CCDC102B: variants seen among roughly 807,000 people sequenced by gnomAD.
The protein encoded by CCDC102B is coiled-coil domain-containing protein 102B.
A neutral mutation model predicts 57.4 loss-of-function variants in CCDC102B; 75 were observed. The ratio of observed to expected loss-of-function variants is 1.31; its 90% CI spans 1.08 to 1.58. The LOEUF is 1.58. CCDC102B is among the 40% of genes most tolerant of loss of function. The pLI is 0.00. For synonymous variants in CCDC102B, 206 were observed against 201.9 expected (o/e 1.02, Z -0.17); for missense variants, 636 against 582.6 (o/e 1.09, Z -0.94).
upstream of CCDC102B, among the ~76,000 whole-genome samples, chr18:68,793,461 T>C (rs1345939812): frequency 6.6e-6 from 1 of 152,196 alleles, no homozygotes; most frequent in East Asian, 1.9e-4. Flanking sequence ...TAAAAACCAA[T>C]GTTAGAAGAA....
At chr18:68,932,168 T>C (rs946986901) in intron 6 of CCDC102B, among the ~76,000 whole-genome samples, 1 of 151,880 alleles carries the variant, frequency 6.6e-6, no homozygotes, top group Non-Finnish European at 1.5e-5. Context: ...AATTATTTCT[T>C]TTTAAGTCCT....
chr18:69,039,783 G>A (rs1466523777), intron 7 of CCDC102B, among the ~76,000 whole-genome samples: 1 of 151,804 alleles, frequency 6.6e-6, no homozygotes, highest in East Asian at 1.9e-4. Context: ...ATTGTTAGCA[G>A]TAGAAACAAA....
chr18:69,028,367 G>T (rs8091493), intron 7 of CCDC102B, among the ~76,000 whole-genome samples: 8,023 of 152,272 alleles, frequency 0.053, 726 homozygotes, highest in African/African-American at 0.18. Context: ...TCTGAATGTG[G>T]AGGTAGTTGG....
At chr18:68,758,981 G>C (rs2034155539) in intron 2 of CCDC102B, among the ~76,000 whole-genome samples, 1 of 139,782 alleles carries the variant, frequency 7.2e-6, no homozygotes, top group Non-Finnish European at 1.6e-5. Context: ...TTTCAAATAA[G>C]AAATAACAAC....
At chr18:68,743,147 A>T (rs2033464778) in intron 2 of CCDC102B, among the ~76,000 whole-genome samples, 1 of 151,850 alleles carries the variant, frequency 6.6e-6, no homozygotes, top group South Asian at 2.1e-4. Flanking sequence ...GGGTGGATCA[A>T]CTGAGGTCAG....
intron 1 of CCDC102B, among the ~76,000 whole-genome samples, chr18:68,830,349 C>T (rs1201824738): frequency 6.6e-6 from 1 of 151,820 alleles, no homozygotes; most frequent in Non-Finnish European, 1.5e-5. Context: ...CATTCTTATA[C>T]AAAAATAAGA....
At chr18:68,972,228 C>T (rs774051921) in intron 6 of CCDC102B, among the ~76,000 whole-genome samples, 2 of 152,088 alleles carry the variant, frequency 1.3e-5, no homozygotes, top group South Asian at 2.1e-4. Flanking sequence ...TAGGTTTCTT[C>T]GACCATGAAA....
chr18:68,777,710 G>T (rs865914487), intron 2 of CCDC102B, among the ~76,000 whole-genome samples: 1 of 151,960 alleles, frequency 6.6e-6, no homozygotes, highest in Middle Eastern at 3.4e-3. Context: ...ACTATGTCAT[G>T]TGCCTCAAAT....
intron 4 of CCDC102B, among the ~76,000 whole-genome samples, chr18:68,854,091 GTTT>G (rs10604645): frequency 6.7e-6 from 1 of 148,940 alleles, no homozygotes; most frequent in African/African-American, 2.5e-5. Flanking sequence ...ACTTTTTCTT[GTTT>G]TTTTTTTTTT....
At chr18:68,940,341 A>G (rs4588079) in intron 6 of CCDC102B, among the ~76,000 whole-genome samples, 38,951 of 151,622 alleles carry the variant, frequency 0.26, 6,453 homozygotes, top group East Asian at 0.61. Context: ...ATTTATTGCA[A>G]GTAAAGCAGA....
exon 1 of CCDC102B, chr18:68,715,334 T>G: frequency 2.1e-6 from 2 of 962,334 alleles, no homozygotes; most frequent in Non-Finnish European, 1.3e-6. Flanking sequence ...GGAAGGTGAA[T>G]ACCGGTGAAA....
chr18:68,933,314 T>G (rs956950783), intron 6 of CCDC102B, among the ~76,000 whole-genome samples: 6 of 151,926 alleles, frequency 3.9e-5, no homozygotes, highest in African/African-American at 1.4e-4. Flanking sequence ...TTCTTTTTGC[T>G]ATTTTTTTCA....
intron 6 of CCDC102B, among the ~76,000 whole-genome samples, chr18:68,970,635 G>T (rs546628101): frequency 4.0e-5 from 6 of 151,848 alleles, no homozygotes; most frequent in African/African-American, 1.2e-4. Flanking sequence ...ATTGTTTAGA[G>T]AATTGGATAA....
At chr18:68,789,806 G>A (rs1256551592) in intron 2 of CCDC102B, among the ~76,000 whole-genome samples, 7 of 149,276 alleles carry the variant, frequency 4.7e-5, no homozygotes, top group Non-Finnish European at 8.9e-5. Context: ...TAATTTGATC[G>A]TCTGAAGCCT....
intron 7 of CCDC102B, among the ~76,000 whole-genome samples, chr18:69,032,856 G>T (rs559488419): frequency 6.6e-6 from 1 of 151,930 alleles, no homozygotes; most frequent in East Asian, 1.9e-4. Flanking sequence ...ACTCTCACTG[G>T]TCGTGAAGCT....
chr18:69,039,212 C>G (rs2052370270), intron 7 of CCDC102B, among the ~76,000 whole-genome samples: 1 of 151,890 alleles, frequency 6.6e-6, no homozygotes, highest in African/African-American at 2.4e-5. Context: ...CATAGGAAAA[C>G]AGCATGTATT....
At chr18:68,874,807 A>G in intron 5 of CCDC102B, 22 bp downstream of exon 5, 1 of 1,347,330 alleles carries the variant, frequency 7.4e-7, no homozygotes, top group Non-Finnish European at 1.1e-6. Context: ...GGTAAAGAGT[A>G]CCATATATAT....
chr18:68,803,061 G>A (rs1345500925), intron 1 of CCDC102B, among the ~76,000 whole-genome samples: 1 of 152,130 alleles, frequency 6.6e-6, no homozygotes, highest in East Asian at 1.9e-4. Flanking sequence ...GGTGTGATTG[G>A]GGTTAACCTC....
chr18:68,952,384 T>C (rs1383322503), intron 6 of CCDC102B, among the ~76,000 whole-genome samples: 2 of 152,170 alleles, frequency 1.3e-5, no homozygotes, highest in Non-Finnish European at 2.9e-5. Context: ...TTTTATAGTT[T>C]AGCTTTTAGA....
Sources: gnomAD v4.1 joint callset for allele counts (sites outside exome capture counted in the v4.1 genomes callset) on GRCh38, gnomAD v4.1.1 for gene constraint, MANE v1.5 for transcripts, NCBI Gene and HGNC (gene_info 2026-07-23, HGNC 2026-07-21) for gene names.